The following MAF variants were observed in gnomAD, a reference collection of about 807,000 sequenced individuals.
MAF encodes the protein transcription factor Maf.
In MAF, 10 loss-of-function variants were observed where a neutral mutation model predicts 22.0. That is an observed-to-expected ratio of 0.45 (90% CI 0.28 to 0.77). MAF has a LOEUF of 0.77. Among genes scored for constraint, MAF ranks in the 30% least tolerant of loss-of-function variants. The pLI, the probability that MAF is intolerant of heterozygous loss-of-function variation, is 0.12. For missense variants in MAF, 544 were observed against 548.4 expected (o/e 0.99, Z 0.08); for synonymous variants, 337 against 255.8 (o/e 1.32, Z -3.03).
chr16:79,469,944 T>C, the MAF span, among the ~76,000 whole-genome samples: 2 of 152,246 alleles, frequency 1.3e-5, no homozygotes, highest in African/African-American at 2.4e-5. Context: ...GGGCACATTT[T>C]GTTCCCATTT....
chr16:79,599,183 C>G lies in MAF; in HGVS notation c.720G>C (p.Ala240=). 1 of 1,141,944 alleles carries G rather than the reference C, an allele frequency of 8.8e-7. No homozygotes were observed. Among genetic ancestry groups the G allele is most frequent in the Non-Finnish European group, 1.1e-6 (1 of 929,292 alleles). The allele number at this position is 1,141,944 out of a possible 1,614,324, so 70.7% of individuals were successfully genotyped here. A position where few individuals can be genotyped will look rare whatever the true frequency, so the allele number is the denominator to read the frequency against. The part of the protein sequence containing the change: ...GGGGGGGGGA[A]GAGGALHPHH... ...GCGGGTGCAGGGCGCCCCCCGCCCC[C>G]GCCGCGCCCCCGCCGCCTCCGCCGC... is the stretch of plus-strand genomic sequence containing the variant. Residue 240 remains alanine, a synonymous_variant, in exon 1 of 2, where the codon GCG becomes GCC. Transcript: ENST00000326043.
the MAF span, among the ~76,000 whole-genome samples, chr16:79,427,635 G>T: frequency 6.6e-6 from 1 of 152,018 alleles, no homozygotes; most frequent in East Asian, 2.0e-4. Flanking sequence ...CTCTCAAATC[G>T]CTCTCCATTT....
chr16:79,532,274 G>C, the MAF span, among the ~76,000 whole-genome samples: 1 of 152,160 alleles, frequency 6.6e-6, no homozygotes, highest in Non-Finnish European at 1.5e-5. Context: ...GGAGGGTTGA[G>C]AACAAACAGG....
At chr16:79,356,553 A>T in the MAF span, among the ~76,000 whole-genome samples, 1 of 152,098 alleles carries the variant, frequency 6.6e-6, no homozygotes, top group Admixed American at 6.5e-5. Flanking sequence ...GTATTCCCTG[A>T]AGATTCACAC....
At chr16:79,571,510 GA>G in the MAF span, among the ~76,000 whole-genome samples, 2 of 122,540 alleles carry the variant, frequency 1.6e-5, no homozygotes, top group Admixed American at 8.7e-5. Flanking sequence ...CATACTACAA[GA>G]AAAAAACATC....
At chr16:79,430,277 G>C in the MAF span, among the ~76,000 whole-genome samples, 2 of 152,248 alleles carry the variant, frequency 1.3e-5, no homozygotes, top group African/African-American at 4.8e-5. Context: ...CGTAGAGCCT[G>C]CTCCGTTTGG....
At chr16:79,280,513 C>T in the MAF span, among the ~76,000 whole-genome samples, 1 of 152,206 alleles carries the variant, frequency 6.6e-6, no homozygotes, top group East Asian at 1.9e-4. Flanking sequence ...GCTTGGGGGG[C>T]CACCACCTAA....
At chr16:79,514,692 T>C in the MAF span, among the ~76,000 whole-genome samples, 13,274 of 152,144 alleles carry the variant, frequency 0.087, 1,725 homozygotes, top group African/African-American at 0.28. Flanking sequence ...CCAATCTCCA[T>C]CCTTCTCTAT....
At chr16:79,584,145 C>T (rs539049441), downstream of MAF, among the ~76,000 whole-genome samples, 90 of 152,114 alleles carry the variant, frequency 5.9e-4, no homozygotes, top group African/African-American at 2.0e-3. Flanking sequence ...CCCCAAATAG[C>T]TTATGATTTA....
the MAF span, among the ~76,000 whole-genome samples, chr16:79,269,264 G>C: frequency 6.6e-6 from 1 of 152,180 alleles, no homozygotes; most frequent in African/African-American, 2.4e-5. Flanking sequence ...CAGTGGCTAT[G>C]TGCTTCTCGG....
the MAF span, among the ~76,000 whole-genome samples, chr16:79,494,638 T>G: frequency 3.3e-5 from 5 of 152,180 alleles, no homozygotes; most frequent in African/African-American, 9.7e-5. Context: ...CACATAGTAC[T>G]CACACCACAC....
the MAF span, among the ~76,000 whole-genome samples, chr16:79,307,574 A>G: frequency 6.6e-6 from 1 of 152,246 alleles, no homozygotes; most frequent in African/African-American, 2.4e-5. Flanking sequence ...AGAAAATAGT[A>G]GAGTTCACTG....
chr16:79,519,763 G>T, the MAF span, among the ~76,000 whole-genome samples: 1 of 152,236 alleles, frequency 6.6e-6, no homozygotes, highest in Non-Finnish European at 1.5e-5. Context: ...CCGGTGTGAC[G>T]CTGAGCGTCC....
At chr16:79,551,352 T>A in the MAF span, among the ~76,000 whole-genome samples, 1 of 152,210 alleles carries the variant, frequency 6.6e-6, no homozygotes, top group South Asian at 2.1e-4. Flanking sequence ...TTCTCTGATA[T>A]GGAGTCTTTC....
chr16:79,490,352 A>G, the MAF span, among the ~76,000 whole-genome samples: 2 of 152,198 alleles, frequency 1.3e-5, no homozygotes, highest in African/African-American at 2.4e-5. Flanking sequence ...AAAACTTTCT[A>G]TACCCAAGGA....
the MAF span, among the ~76,000 whole-genome samples, chr16:79,503,720 C>G: frequency 1.3e-5 from 2 of 152,162 alleles, no homozygotes; most frequent in East Asian, 3.9e-4. Flanking sequence ...ACTTTGGTCA[C>G]CAGGAAGCTC....
At chr16:79,219,876 T>G in the MAF span, among the ~76,000 whole-genome samples, 1 of 152,232 alleles carries the variant, frequency 6.6e-6, no homozygotes, top group Non-Finnish European at 1.5e-5. Flanking sequence ...TTATATCCTT[T>G]CAATATGATT....
chr16:79,286,742 G>A, the MAF span, among the ~76,000 whole-genome samples: 1 of 152,122 alleles, frequency 6.6e-6, no homozygotes, highest in Non-Finnish European at 1.5e-5. Context: ...AGAGGCAAAT[G>A]CCCACACGTC....
the MAF span, among the ~76,000 whole-genome samples, chr16:79,569,174 T>C: frequency 6.6e-6 from 1 of 152,206 alleles, no homozygotes; most frequent in Non-Finnish European, 1.5e-5. Flanking sequence ...CCCAGCATAA[T>C]TGACATCGAG....
Sources: gnomAD v4.1 joint callset for allele counts (sites outside exome capture counted in the v4.1 genomes callset) on GRCh38, gnomAD v4.1.1 for gene constraint, MANE v1.5 for transcripts, NCBI Gene and HGNC (gene_info 2026-07-23, HGNC 2026-07-21) for gene names.